DENND3: variants seen among roughly 807,000 people sequenced by gnomAD.
The protein encoded by DENND3 is DENN domain-containing protein 3.
Under a neutral mutation model 135.1 loss-of-function variants are expected in DENND3, and 88 were observed. The observed-to-expected ratio is 0.65, with a 90% CI of 0.55 to 0.78. The LOEUF (loss-of-function observed/expected upper bound fraction) is 0.78. Ranked by LOEUF, DENND3 falls within the 30% of genes least tolerant of loss-of-function variation. The pLI is 0.00. For missense variants in DENND3, 1,392 were observed against 1,688.4 expected (o/e 0.82, Z 3.08); for synonymous variants, 693 against 712.3 (o/e 0.97, Z 0.43).
chr8:141,136,286 T>A (rs1180016222), intron 1 of DENND3, among the ~76,000 whole-genome samples: 2 of 152,146 alleles, frequency 1.3e-5, no homozygotes, highest in Non-Finnish European at 2.9e-5. Flanking sequence ...TGTCCACAGC[T>A]GAAGAGCCAG....
intron 13 of DENND3, among the ~76,000 whole-genome samples, chr8:141,172,294 T>C (rs1821720935): frequency 6.6e-6 from 1 of 151,750 alleles, no homozygotes; most frequent in African/African-American, 2.4e-5. Context: ...ATGCACTGTC[T>C]TGTTCTGCTG....
intron 15 of DENND3, chr8:141,177,140 C>G (rs1428457150): frequency 5.2e-6 from 1 of 190,494 alleles, no homozygotes; most frequent in Non-Finnish European, 1.1e-5. Flanking sequence ...CTGAGCGACT[C>G]TTCACAGTCA....
At chr8:141,189,498 G>A (rs961629759) in intron 19 of DENND3, among the ~76,000 whole-genome samples, 1 of 152,234 alleles carries the variant, frequency 6.6e-6, no homozygotes, top group Non-Finnish European at 1.5e-5. Flanking sequence ...AATCGCCTGA[G>A]TGCTCAGTGT....
intron 7 of DENND3, among the ~76,000 whole-genome samples, chr8:141,153,352 C>A (rs1227874852): frequency 6.6e-6 from 1 of 152,198 alleles, no homozygotes; most frequent in Non-Finnish European, 1.5e-5. Context: ...CCTTGGCCTT[C>A]CAAAGTGCTG....
intron 5 of DENND3, among the ~76,000 whole-genome samples, chr8:141,148,263 C>A (rs113561943): frequency 2.0e-5 from 3 of 152,044 alleles, no homozygotes; most frequent in Admixed American, 2.0e-4. Flanking sequence ...AGGGAGGGGG[C>A]CCCATGGCAC....
At chr8:141,147,074 C>T (rs890588095) in intron 5 of DENND3, among the ~76,000 whole-genome samples, 7 of 152,304 alleles carry the variant, frequency 4.6e-5, no homozygotes, top group South Asian at 2.1e-4. Context: ...TCGACGCACC[C>T]GTGAGGAAGG....
At chr8:141,147,280 A>G (rs796658625) in intron 5 of DENND3, among the ~76,000 whole-genome samples, 1 of 151,914 alleles carries the variant, frequency 6.6e-6, no homozygotes, top group African/African-American at 2.4e-5. Flanking sequence ...CCACCCTTCC[A>G]TTTGTCCTCT....
intron 8 of DENND3, among the ~76,000 whole-genome samples, chr8:141,160,338 C>G (rs1819986634): frequency 6.6e-6 from 1 of 152,098 alleles, no homozygotes; most frequent in Non-Finnish European, 1.5e-5. Flanking sequence ...GCCACCATGC[C>G]TGGCTAATTT....
At chr8:141,157,270 T>G (rs955351437) in intron 8 of DENND3, 3 of 981,818 alleles carry the variant, frequency 3.1e-6, no homozygotes, top group South Asian at 4.7e-5. Context: ...CAGGGGAGGG[T>G]GAGAGGAGGT....
intron 22 of DENND3, 41 bp downstream of exon 22, chr8:141,192,704 T>C: frequency 6.2e-7 from 1 of 1,606,582 alleles, no homozygotes; most frequent in Non-Finnish European, 8.5e-7. Context: ...CCCCGGCAGG[T>C]CTCGCTTGCC....
rs760879152 is a variant in DENND3, at chr8:141,136,730, T to C, written c.324T>C (p.Pro108=). 6.2e-7 allele frequency: 1 copy of C among 1,608,506 alleles called. No homozygotes were observed. Among genetic ancestry groups the C allele is most frequent in the Non-Finnish European group, 8.5e-7 (1 of 1,177,812 alleles). ...GLPGPPRAPE[P]EDVAVPGGVD... Reference sequence around the variant, plus strand: ...CGGGGCCCCCCAGAGCGCCAGAGCCTGAGGATGTCGCCGTCCCGGGCGGCG... The same window carrying C: ...CGGGGCCCCCCAGAGCGCCAGAGCCCGAGGATGTCGCCGTCCCGGGCGGCG... The change falls in exon 2 of 23, where the codon CCT becomes CCC. Residue 108 remains proline, a synonymous_variant. Coordinates refer to ENST00000519811, the MANE Select transcript of DENND3 (RefSeq NM_001352890.3).
chr8:141,154,569 T>TA lies in DENND3; in HGVS notation c.1075-1280_1075-1279insA, dbSNP rs1477529462. ...GTATTGGAATCTTTTTTTTTTCTTT[T>TA]TTTTTTTTGTGAGATGGAGTTTCGC... On this transcript the variant is annotated intron_variant, in intron 7 of 22. Coordinates refer to ENST00000519811, the MANE Select transcript of DENND3 (RefSeq NM_001352890.3). This position sits in a 1 kb window ranked among gnomAD's most constrained non-coding sequence, Gnocchi z 4.4. Among the ~76,000 whole-genome samples the TA allele has an allele frequency of 6.6e-6, 1 of 151,954 alleles. No homozygotes were observed. The highest frequency in any genetic ancestry group is 1.9e-4 in the East Asian group (1 of 5,200).
chr8:141,165,885 C>T (rs1167006100), intron 11 of DENND3, among the ~76,000 whole-genome samples: 2 of 152,096 alleles, frequency 1.3e-5, no homozygotes, highest in Non-Finnish European at 2.9e-5. Context: ...CTTCCCACCT[C>T]CCCCCATCCT....
intron 18 of DENND3, among the ~76,000 whole-genome samples, chr8:141,186,916 G>A (rs973173466): frequency 3.2e-4 from 48 of 152,126 alleles, no homozygotes; most frequent in Admixed American, 2.7e-3. Context: ...CTTCCCTGTC[G>A]CCCGAGAGGC....
chr8:141,153,602 G>A (rs2154612973), intron 7 of DENND3, among the ~76,000 whole-genome samples: 1 of 152,348 alleles, frequency 6.6e-6, no homozygotes, highest in East Asian at 1.9e-4. Flanking sequence ...GGTCCCCGCT[G>A]CGGGGGAGAA....
rs2154613318 is a variant in DENND3, at chr8:141,175,628, G to A, written c.2535+169G>A. 1.0e-6 allele frequency: 1 copy of A among 952,414 alleles called. No individual in the cohort carries two copies. The highest frequency in any genetic ancestry group is 2.6e-5 in the East Asian group (1 of 38,196). 59.0% of individuals were successfully genotyped at this position (952,414 alleles called of 1,614,324 possible). On this transcript the variant is annotated intron_variant, in intron 14 of 22. Transcript: ENST00000519811. The surrounding 1 kb of genome is among the most constrained non-coding windows in gnomAD (Gnocchi z 5.4). ...TTGCTCATCTGTAAAGTAGGAATAA[G>A]GCTGATACCTTCTCAGTGGGTGGTG...
At position 141,174,728 on chromosome 8, in the gene DENND3, G is replaced by C. The variant is rs1822103516; in HGVS notation, c.2276-472G>C. Among the ~76,000 whole-genome samples the C allele has an allele frequency of 6.6e-6, 1 of 151,454 alleles. No homozygotes were observed. The highest frequency in any genetic ancestry group is 1.5e-5 in the Non-Finnish European group (1 of 67,800). On this transcript the variant is annotated intron_variant, in intron 13 of 22. Transcript: ENST00000519811. This position sits in a 1 kb window ranked among gnomAD's most constrained non-coding sequence, Gnocchi z 4.6. ...GGAGGTCGGGCCAGTTACAGGAGAG[G>C]CCGACCCAGTGGCAGGGCAGCGGCG...
chr8:141,151,879 G>A (rs771971952), intron 7 of DENND3, 42 bp downstream of exon 7: 3 of 1,605,146 alleles, frequency 1.9e-6, no homozygotes, highest in African/African-American at 2.7e-5. Context: ...AAATTCCTGT[G>A]AGTCCATCAC....
chr8:141,186,370 A>C (rs1162964455), intron 18 of DENND3, among the ~76,000 whole-genome samples: 27 of 152,220 alleles, frequency 1.8e-4, no homozygotes, highest in Admixed American at 1.8e-3. Flanking sequence ...AGGGCCCAGC[A>C]AAACTCAGTG....
Sources: gnomAD v4.1 joint callset for allele counts (sites outside exome capture counted in the v4.1 genomes callset) on GRCh38, gnomAD v4.1.1 for gene constraint, Gnocchi (gnomAD v3.1) non-coding constraint, MANE v1.5 for transcripts, NCBI Gene and HGNC (gene_info 2026-07-23, HGNC 2026-07-21) for gene names.